CLIC6: variants seen among roughly 807,000 people sequenced by gnomAD.
CLIC6 encodes chloride intracellular channel protein 6.
Under a neutral mutation model 49.2 loss-of-function variants are expected in CLIC6, and 39 were observed. The observed-to-expected ratio is 0.79, with a 90% CI of 0.61 to 1.04. The LOEUF is 1.04. Ranked by LOEUF, CLIC6 falls within the 50% of genes least tolerant of loss-of-function variation. CLIC6 has a pLI of 0.00. For synonymous variants in CLIC6, 446 were observed against 433.4 expected, an observed-to-expected ratio of 1.03 and a Z score of -0.36; for missense variants, 988 against 993.1, an observed-to-expected ratio of 0.99 and a Z score of 0.07.
intron 1 of CLIC6, among the ~76,000 whole-genome samples, chr21:34,698,045 T>C (rs952895717): frequency 2.0e-5 from 3 of 152,178 alleles, no homozygotes; most frequent in Non-Finnish European, 4.4e-5. Flanking sequence ...GGTTTCGCTG[T>C]CTCTATAGGA....
chr21:34,682,375 T>C (rs1839040349), intron 1 of CLIC6, among the ~76,000 whole-genome samples: 1 of 152,212 alleles, frequency 6.6e-6, no homozygotes, highest in East Asian at 1.9e-4. Context: ...GTCATGTAAT[T>C]TGCATTTCTT....
chr21:34,716,377 G>C lies in CLIC6; in HGVS notation c.1956G>C (p.Trp652Cys), dbSNP rs1157973356. 6.2e-7 allele frequency: 1 copy of C among 1,613,770 alleles called. No homozygotes were observed. ...FEFPSEMTGI[W>C]RYLNNAYARD... ...TTCCTTCTGAAATGACTGGCATCTG[G>C]AGATACTTGAATAATGCTTATGCTA... The change falls in exon 6 of 6, where the codon TGG (tryptophan) becomes TGC (cysteine). Residue 652 changes from tryptophan to cysteine, a missense_variant. Trp to Cys is a radical substitution (Grantham distance 215, BLOSUM62 -2). This residue lies in a region of CLIC6 where 647 missense variants were observed against 596.9 expected (regional missense o/e 1.08). Coordinates refer to ENST00000349499, the MANE Select transcript of CLIC6 (RefSeq NM_053277.3).
chr21:34,707,912 G>C (rs2056026894), intron 2 of CLIC6, 32 bp from the exon 3 acceptor site: 1 of 1,612,182 alleles, frequency 6.2e-7, no homozygotes, highest in Non-Finnish European at 8.5e-7. Context: ...TCTCACGGTG[G>C]CCCATAAACA....
At chr21:34,692,162 C>T (rs1355915178) in intron 1 of CLIC6, among the ~76,000 whole-genome samples, 1 of 151,810 alleles carries the variant, frequency 6.6e-6, no homozygotes, top group Non-Finnish European at 1.5e-5. Context: ...CTTCTTCAGC[C>T]ACCTCTGAGA....
intron 1 of CLIC6, among the ~76,000 whole-genome samples, chr21:34,680,475 C>T (rs1339160660): frequency 6.6e-6 from 1 of 152,234 alleles, no homozygotes; most frequent in Admixed American, 6.5e-5. Context: ...ACATTCAGCT[C>T]CTTGTTACTT....
chr21:34,675,256 A>C, intron 1 of CLIC6, among the ~76,000 whole-genome samples: 1 of 150,790 alleles, frequency 6.6e-6, no homozygotes, highest in Non-Finnish European at 1.5e-5. Context: ...CCCCTCCAAA[A>C]AAAAAAAAAA....
At chr21:34,692,745 T>C (rs938779606) in intron 1 of CLIC6, among the ~76,000 whole-genome samples, 1 of 152,174 alleles carries the variant, frequency 6.6e-6, no homozygotes, top group Non-Finnish European at 1.5e-5. Flanking sequence ...CTTTGGCCTC[T>C]TTAAAACTTA....
Position 34,716,277 on chromosome 21 carries a change from T to G in CLIC6, c.1900-44T>G, listed in dbSNP as rs969028526. The G allele has an allele frequency of 1.9e-6, 3 of 1,563,120 alleles. No individual in the cohort carries two copies. In the African/African-American group the frequency reaches 4.1e-5, roughly 21 times the overall value. ...GGACTGTCTGACTTGGGAGCCTACCTTAGCAAGTTTTCCCTTTACTGATCA... is the reference window on the plus strand; with the variant it reads ...GGACTGTCTGACTTGGGAGCCTACCGTAGCAAGTTTTCCCTTTACTGATCA... On this transcript the variant is annotated intron_variant, in intron 5 of 5. Coordinates refer to ENST00000349499, the MANE Select transcript of CLIC6 (RefSeq NM_053277.3).
chr21:34,682,982 T>G (rs1278182907), intron 1 of CLIC6, among the ~76,000 whole-genome samples: 1 of 151,804 alleles, frequency 6.6e-6, no homozygotes, highest in Non-Finnish European at 1.5e-5. Flanking sequence ...CAGCTAATTT[T>G]TTGTATTTTT....
chr21:34,706,378 A>C (rs1428801195), intron 1 of CLIC6, among the ~76,000 whole-genome samples: 1 of 152,190 alleles, frequency 6.6e-6, no homozygotes, highest in African/African-American at 2.4e-5. Flanking sequence ...CCCCCGACCC[A>C]ATCACTTCCC....
At chr21:34,707,220 G>T (rs1034690066) in intron 1 of CLIC6, 60 bp from the exon 2 acceptor site, 49 of 1,214,214 alleles carry the variant, frequency 4.0e-5, no homozygotes, top group Non-Finnish European at 5.6e-5. Flanking sequence ...TGCATGTTGT[G>T]GTGTTGGCAC....
Position 34,669,402 on chromosome 21 carries a change from C to T in CLIC6, c.14C>T (p.Ala5Val). Reference sequence around the variant, plus strand: ...GGATCTGCGGCCATGGCCGAGGCCGCGGAGCCGGAGGGGGTTGCCCCGGGT... The same window carrying T: ...GGATCTGCGGCCATGGCCGAGGCCGTGGAGCCGGAGGGGGTTGCCCCGGGT... MAEAAEPEGVAPGPQ... is the reference protein window; with the variant it reads MAEAVEPEGVAPGPQ... The change falls in exon 1 of 6, where the codon GCG becomes GTG. Residue 5 changes from alanine (A) to valine (V), a missense_variant. This residue lies in a region of CLIC6 where 284 missense variants were observed against 278.6 expected (regional missense o/e 1.02). Coordinates refer to ENST00000349499, the MANE Select transcript of CLIC6 (RefSeq NM_053277.3). 1 of 1,236,792 alleles carries T rather than the reference C, an allele frequency of 8.1e-7. No homozygotes were observed. The highest frequency in any genetic ancestry group is 1.0e-6 in the Non-Finnish European group (1 of 990,670). The allele number at this position is 1,236,792 out of a possible 1,614,324, so 76.6% of individuals were successfully genotyped here.
intron 1 of CLIC6, among the ~76,000 whole-genome samples, chr21:34,680,626 C>G (rs1254064881): frequency 6.6e-6 from 1 of 152,192 alleles, no homozygotes; most frequent in African/African-American, 2.4e-5. Flanking sequence ...ATTTCTTCCA[C>G]CAGATACCCT....
In CLIC6 at chr21:34,708,729, A is replaced by C. The variant is rs145827212; in HGVS notation, c.1640A>C (p.Glu547Ala). The change falls in exon 4 of 6, where the codon GAA becomes GCA. Residue 547 changes from glutamate (E) to alanine (A), a missense_variant. By Grantham distance (107) the Glu-to-Ala change is moderately radical (BLOSUM62 -1). Around this residue, in one of 3 missense-constraint regions of CLIC6, gnomAD observed 647 missense variants for 596.9 expected, o/e 1.08. Coordinates refer to ENST00000349499, the MANE Select transcript of CLIC6 (RefSeq NM_053277.3). ...RYPKLGTQHP[E>A]SNSAGNDVFA... Reference sequence around the variant, plus strand: ...CCCAAGCTGGGGACCCAACATCCCGAATCTAATTCCGCAGGAAATGACGTG... The same window carrying C: ...CCCAAGCTGGGGACCCAACATCCCGCATCTAATTCCGCAGGAAATGACGTG... The C allele has an allele frequency of 3.1e-6, 5 of 1,614,032 alleles. No individual in the cohort carries two copies. In the African/African-American group the frequency reaches 6.7e-5, roughly 22 times the overall value.
chr21:34,682,095 T>G (rs1989789279), intron 1 of CLIC6, among the ~76,000 whole-genome samples: 1 of 152,212 alleles, frequency 6.6e-6, no homozygotes, highest in African/African-American at 2.4e-5. Flanking sequence ...GGTAGCTTCC[T>G]CTTTTTGATA....
chr21:34,708,546 T>C (rs111588920), intron 3 of CLIC6, among the ~76,000 whole-genome samples, 154 bp from the exon 4 acceptor site: 1 of 152,346 alleles, frequency 6.6e-6, no homozygotes, highest in Non-Finnish European at 1.5e-5. Context: ...TAGATGTTGT[T>C]ACTTCCCAAC....
chr21:34,708,899 C>T, intron 4 of CLIC6, 93 bp downstream of exon 4: 1 of 898,544 alleles, frequency 1.1e-6, no homozygotes, highest in South Asian at 1.5e-5. Flanking sequence ...CATCTATTTC[C>T]CAGTGGGTAG....
chr21:34,670,863 T>C lies in CLIC6; in HGVS notation c.1374+101T>C. On this transcript the variant is annotated intron_variant, in intron 1 of 5. Transcript: ENST00000349499. ...ACGCGCAGGGAGGAACCCTTGGTGG[T>C]ATCCTGATTGTCATCAGGCGCTTCC... 3 of 1,301,202 alleles carry C rather than the reference T, an allele frequency of 2.3e-6. No homozygotes were observed. In the South Asian group the frequency reaches 4.6e-5, roughly 20 times the overall value. 80.6% of individuals were successfully genotyped at this position (1,301,202 alleles called of 1,614,324 possible).
intron 1 of CLIC6, among the ~76,000 whole-genome samples, chr21:34,671,074 A>C (rs1435077164): frequency 1.3e-5 from 2 of 150,432 alleles, no homozygotes; most frequent in Non-Finnish European, 3.0e-5. Context: ...TGAACATCCT[A>C]ACCAGCCCTC....
Sources: gnomAD v4.1 joint callset for allele counts (sites outside exome capture counted in the v4.1 genomes callset) on GRCh38, gnomAD v4.1.1 for gene constraint, gnomAD v4.1.1 regional missense constraint, MANE v1.5 for transcripts, NCBI Gene and HGNC (gene_info 2026-07-23, HGNC 2026-07-21) for gene names.